The following RPS24 variants were observed in gnomAD, a reference collection of about 807,000 sequenced individuals.
RPS24 encodes small ribosomal subunit protein eS24.
For missense variants in RPS24, 100 were observed against 162.5 expected (o/e 0.62, Z 2.09); for synonymous variants, 72 against 55.6 (o/e 1.30, Z -1.31).
At chr10:78,050,651 C>A (rs1848089830) in intron 4 of RPS24, among the ~76,000 whole-genome samples, 1 of 152,224 alleles carries the variant, frequency 6.6e-6, no homozygotes, top group East Asian at 1.9e-4. Flanking sequence ...CACTCTGTCA[C>A]CCAGCCTGGA....
At chr10:78,045,894 C>T (rs1389373389) in intron 4 of RPS24, among the ~76,000 whole-genome samples, 1 of 151,870 alleles carries the variant, frequency 6.6e-6, no homozygotes, top group Non-Finnish European at 1.5e-5. Flanking sequence ...CTCAATTACT[C>T]AGGAGGTGGA....
At chr10:78,043,774 T>G (rs920081513), downstream of RPS24, among the ~76,000 whole-genome samples, 2 of 152,212 alleles carry the variant, frequency 1.3e-5, no homozygotes, top group Non-Finnish European at 2.9e-5. Flanking sequence ...AGGCTGGGTC[T>G]TGGAAGGCTT....
intron 4 of RPS24, among the ~76,000 whole-genome samples, chr10:78,048,337 T>C (rs1022947558): frequency 1.3e-5 from 2 of 152,200 alleles, no homozygotes; most frequent in African/African-American, 4.8e-5. Flanking sequence ...AGTGTGTATT[T>C]CTTCCAAAAA....
In RPS24 at chr10:78,040,637, A is replaced by G. The variant is rs1353833552; in HGVS notation, c.*42A>G. The G allele has an allele frequency of 1.9e-6, 3 of 1,614,042 alleles. No individual in the cohort carries two copies. The highest frequency in any genetic ancestry group is 2.5e-6 in the Non-Finnish European group (3 of 1,179,858). On this transcript the variant is annotated 3_prime_UTR_variant, in exon 6 of 6. Transcript: ENST00000372360. ...CAGCCGAAGGAGTAAAGGTGCTGCA[A>G]TGATGTTAGCTGTGGCCACTGTGGA...
intron 4 of RPS24, among the ~76,000 whole-genome samples, chr10:78,052,218 G>T (rs1203313765): frequency 6.6e-6 from 1 of 151,942 alleles, no homozygotes; most frequent in Non-Finnish European, 1.5e-5. Context: ...TAGAGACGGG[G>T]TTTCACCATG....
chr10:78,054,035 G>A (rs1327376127), intron 4 of RPS24, among the ~76,000 whole-genome samples: 1 of 152,136 alleles, frequency 6.6e-6, no homozygotes, highest in Non-Finnish European at 1.5e-5. Flanking sequence ...GTCACGTGGT[G>A]TGGGTGAAGG....
intron 3 of RPS24, 159 bp downstream of exon 3, chr10:78,035,879 C>T (rs767436182): frequency 1.6e-4 from 108 of 682,856 alleles, no homozygotes; most frequent in Non-Finnish European, 2.2e-4. Context: ...AGGTGGAGTA[C>T]GGGGGTTCAA....
At chr10:78,046,918 T>C (rs1236210903) in intron 4 of RPS24, among the ~76,000 whole-genome samples, 2 of 152,012 alleles carry the variant, frequency 1.3e-5, no homozygotes, top group Admixed American at 6.5e-5. Flanking sequence ...TTGCTAGAAA[T>C]TCAATTTCTT....
chr10:78,043,736 A>C (rs781290436), downstream of RPS24, among the ~76,000 whole-genome samples: 1 of 152,248 alleles, frequency 6.6e-6, no homozygotes, highest in Non-Finnish European at 1.5e-5. Context: ...CGTGATAGAA[A>C]TTGAGAGCCA....
Position 78,037,271 on chromosome 10 carries a change from G to T in RPS24, c.357G>T (p.Gly119=), listed in dbSNP as rs1346588847. 2 of 1,606,674 alleles carry T rather than the reference G, an allele frequency of 1.2e-6. No individual in the cohort carries two copies. The highest frequency in any genetic ancestry group is 1.7e-6 in the Non-Finnish European group (2 of 1,176,402). Residue 119 remains glycine (G), a synonymous_variant, in exon 4 of 6, where the codon GGG becomes GGT. Transcript: ENST00000372360. ...ERKNRMKKVR[G]TAKANVGAGK... The stretch of plus-strand genomic sequence containing the variant: ...AGAACAGAATGAAGAAAGTCAGGGG[G>T]ACTGCAAAGGCCAATGTTGGTGCTG...
intron 3 of RPS24, 59 bp from the exon 4 acceptor site, chr10:78,037,135 G>C: frequency 3.2e-6 from 5 of 1,555,838 alleles, no homozygotes; most frequent in Non-Finnish European, 3.5e-6. Context: ...CCCTACCAGA[G>C]TGGTGGGTAA....
At chr10:78,050,684 C>T (rs539276987) in intron 4 of RPS24, among the ~76,000 whole-genome samples, 5 of 152,306 alleles carry the variant, frequency 3.3e-5, no homozygotes, top group Non-Finnish European at 5.9e-5. Context: ...GATCATAGCT[C>T]GTTGCATCCT....
chr10:78,037,938 T>A (rs1428030819), intron 4 of RPS24: 8 of 657,758 alleles, frequency 1.2e-5, no homozygotes, highest in Non-Finnish European at 1.9e-5. Flanking sequence ...TTTTCCTCTC[T>A]ACTTTCTTGG....
chr10:78,051,016 C>A (rs887576226), intron 4 of RPS24, among the ~76,000 whole-genome samples: 1 of 152,142 alleles, frequency 6.6e-6, no homozygotes, highest in Non-Finnish European at 1.5e-5. Flanking sequence ...CCTGGCAAAA[C>A]CCTGTCTCTA....
At chr10:78,036,110 T>G in intron 3 of RPS24, 1 of 321,682 alleles carries the variant, frequency 3.1e-6, no homozygotes, top group Admixed American at 4.6e-5. Flanking sequence ...ATACTGAGTG[T>G]CAAACACTGC....
exon 5 of RPS24, chr10:78,054,762 G>T (rs1273093723): frequency 6.4e-7 from 1 of 1,551,574 alleles, no homozygotes; most frequent in Non-Finnish European, 8.7e-7. Context: ...GTGCTGCCAG[G>T]CGTGCCTTTT....
In RPS24 at chr10:78,037,426, T is replaced by C. The variant is rs1589328525; in HGVS notation, c.390+122T>C. 11 of 1,434,514 alleles carry C rather than the reference T, an allele frequency of 7.7e-6. No individual in the cohort carries two copies. In the East Asian group the frequency reaches 2.8e-4, roughly 36 times the overall value. The allele number at this position is 1,434,514 out of a possible 1,614,324, so 88.9% of individuals were successfully genotyped here. A position where few individuals can be genotyped will look rare whatever the true frequency, so the allele number is the denominator to read the frequency against. ...TTAATGTTTCTTCTTTTCCCTCTTCTTCTGGATTACAGAAGGTAACATGTT... is the reference window on the plus strand; with the variant it reads ...TTAATGTTTCTTCTTTTCCCTCTTCCTCTGGATTACAGAAGGTAACATGTT... On this transcript the variant is annotated intron_variant, in intron 4 of 5. Coordinates refer to ENST00000372360, the MANE Select transcript of RPS24 (RefSeq NM_033022.4).
At chr10:78,052,958 C>A (rs1265727541) in intron 4 of RPS24, among the ~76,000 whole-genome samples, 50 of 151,978 alleles carry the variant, frequency 3.3e-4, no homozygotes, top group Non-Finnish European at 1.5e-5. Context: ...TCGAGACTGT[C>A]CTTACCAATA....
At chr10:78,048,420 G>A (rs1848066397) in intron 4 of RPS24, among the ~76,000 whole-genome samples, 1 of 152,166 alleles carries the variant, frequency 6.6e-6, no homozygotes, top group South Asian at 2.1e-4. Flanking sequence ...CTCGGTGACT[G>A]CTCACCCAGC....
Sources: allele counts gnomAD v4.1 joint callset (sites outside exome capture counted in the v4.1 genomes callset), GRCh38; gene constraint gnomAD v4.1.1; transcripts MANE v1.5; gene names NCBI Gene and HGNC (gene_info 2026-07-23, HGNC 2026-07-21).